Variants in PLCH1 observed in about 807,000 individuals in gnomAD.
PLCH1 encodes phospholipase C eta 1, also known as 1-phosphatidylinositol 4,5-bisphosphate phosphodiesterase eta-1.
In PLCH1, 60 loss-of-function variants were observed where a neutral mutation model predicts 126.7. That is an observed-to-expected ratio of 0.47 (90% confidence interval 0.38 to 0.59). The LOEUF (loss-of-function observed/expected upper bound fraction) is 0.59. Ranked by LOEUF, PLCH1 falls within the 20% of genes least tolerant of loss-of-function variation. The pLI is 0.00. For missense variants in PLCH1, 1,723 were observed against 2,040.0 expected (o/e 0.84, Z 2.99); for synonymous variants, 719 against 734.9 (o/e 0.98, Z 0.35).
At chr3:155,618,312 T>C (rs1340750490) in intron 2 of PLCH1, among the ~76,000 whole-genome samples, 3 of 152,188 alleles carry the variant, frequency 2.0e-5, no homozygotes, top group Non-Finnish European at 2.9e-5. Flanking sequence ...ATTTTCAAAA[T>C]ATCACCCATT....
chr3:155,475,683 A>C (rs1356180647), downstream of PLCH1, among the ~76,000 whole-genome samples: 2 of 152,172 alleles, frequency 1.3e-5, no homozygotes, highest in Non-Finnish European at 2.9e-5. Context: ...TACCATGAGC[A>C]ACTACATGCC....
chr3:155,514,894 A>G lies in PLCH1; in HGVS notation c.1471-10T>C. 4 of 1,572,332 alleles carry G rather than the reference A, an allele frequency of 2.5e-6. No individual in the cohort carries two copies. Among genetic ancestry groups the G allele is most frequent in the Non-Finnish European group, 3.5e-6 (4 of 1,154,744 alleles). ...CAGTGGTCCCATTACTCTGCAAAGA[A>G]TTAAGTAACACAAATGATTTCCTTA... On this transcript the variant is annotated splice_polypyrimidine_tract_variant and intron_variant, in intron 11 of 22. Transcript: ENST00000460012.
intron 2 of PLCH1, among the ~76,000 whole-genome samples, chr3:155,699,178 C>G (rs1211130376): frequency 6.6e-6 from 1 of 151,748 alleles, no homozygotes; most frequent in Non-Finnish European, 1.5e-5. Context: ...CAGGTTCAAA[C>G]GACTCTCTTG....
At chr3:155,519,925 G>GT (rs946787447) in intron 11 of PLCH1, among the ~76,000 whole-genome samples, 2 of 151,708 alleles carry the variant, frequency 1.3e-5, no homozygotes, top group African/African-American at 2.4e-5. Context: ...TTTCCAAGCT[G>GT]TAAGACCTGA....
chr3:155,580,717 T>C (rs1199897871), intron 6 of PLCH1, among the ~76,000 whole-genome samples: 3 of 152,174 alleles, frequency 2.0e-5, no homozygotes, highest in Non-Finnish European at 4.4e-5. Flanking sequence ...CAAAGGTACT[T>C]CTTCTAAAGA....
chr3:155,662,781 CA>C (rs1323412098), intron 2 of PLCH1, among the ~76,000 whole-genome samples: 13 of 152,162 alleles, frequency 8.5e-5, no homozygotes, highest in African/African-American at 3.1e-4. Flanking sequence ...TCTCATCCCT[CA>C]GCCTCCAAGT....
At position 155,734,060 on chromosome 3, in the gene PLCH1, T is replaced by C. The variant is rs142811751; in HGVS notation, c.-41+10780A>G. On this transcript the variant is annotated intron_variant, in intron 1 of 22. Transcript: ENST00000460012. The stretch of plus-strand genomic sequence containing the variant: ...ACTTCATATCAGTTAGAATGGCTAT[T>C]ATCAAAAAGACAAAAAGTAAGTGCT... Among the ~76,000 whole-genome samples, 601 of 149,740 alleles carry C rather than the reference T, an allele frequency of 4.0e-3. 1 individual carries two copies. The highest frequency in any genetic ancestry group is 6.4e-3 in the South Asian group (30 of 4,690).
chr3:155,618,939 C>G (rs1219630227), intron 2 of PLCH1, among the ~76,000 whole-genome samples: 2 of 152,138 alleles, frequency 1.3e-5, no homozygotes, highest in East Asian at 3.9e-4. Flanking sequence ...CATACCCTGC[C>G]CCTGATATCA....
chr3:155,738,794 A>AC (rs1224300155), intron 1 of PLCH1, among the ~76,000 whole-genome samples: 2 of 151,802 alleles, frequency 1.3e-5, no homozygotes, highest in African/African-American at 4.8e-5. Context: ...CTCCAAAAAA[A>AC]AAAAAAAATA....
At chr3:155,692,902 G>A (rs1423192983) in intron 2 of PLCH1, among the ~76,000 whole-genome samples, 1 of 151,916 alleles carries the variant, frequency 6.6e-6, no homozygotes, top group Non-Finnish European at 1.5e-5. Context: ...GGGATCTCCT[G>A]CCTCAGAGTA....
At chr3:155,637,548 T>C (rs992546462) in intron 2 of PLCH1, among the ~76,000 whole-genome samples, 3 of 152,240 alleles carry the variant, frequency 2.0e-5, no homozygotes, top group East Asian at 1.9e-4. Flanking sequence ...TGGGAAAATA[T>C]TACCTACATT....
At chr3:155,737,767 G>T (rs1049933464) in intron 1 of PLCH1, among the ~76,000 whole-genome samples, 7 of 152,138 alleles carry the variant, frequency 4.6e-5, no homozygotes, top group African/African-American at 1.4e-4. Context: ...TCTGGTCCAG[G>T]ATTCTGACCT....
At chr3:155,509,171 G>C (rs192142959) in intron 12 of PLCH1, among the ~76,000 whole-genome samples, 1 of 139,832 alleles carries the variant, frequency 7.2e-6, no homozygotes, top group Non-Finnish European at 1.5e-5. Context: ...TCTTATGGTA[G>C]TTTGCATTTC....
intron 2 of PLCH1, among the ~76,000 whole-genome samples, chr3:155,638,980 C>A (rs571210204): frequency 2.0e-5 from 3 of 152,126 alleles, no homozygotes; most frequent in South Asian, 2.1e-4. Flanking sequence ...CAGTTTCCCC[C>A]AAAAAGTAAA....
In PLCH1 at chr3:155,659,302, C is replaced by CTTTTTTTTTTTTTTTTTTTT. The variant is rs753258422; in HGVS notation, c.79+44824_79+44843dup. ...CCAGGCGTGAGATGTCTATTCACTT[C>CTTTTTTTTTTTTTTTTTTTT]TTTTTTTTTTTTTTTTTTTTTTTTT... On this transcript the variant is annotated intron_variant, in intron 2 of 22. Transcript: ENST00000460012. Among the ~76,000 whole-genome samples, 4 of 30,848 alleles carry CTTTTTTTTTTTTTTTTTTTT rather than the reference C, an allele frequency of 1.3e-4. 1 individual carries two copies. Among genetic ancestry groups the CTTTTTTTTTTTTTTTTTTTT allele is most frequent in the Non-Finnish European group, 2.9e-4 (4 of 13,866 alleles). 20.2% of individuals were successfully genotyped at this position (30,848 alleles called of 152,430 possible). A position where few individuals can be genotyped will look rare whatever the true frequency, so the allele number is the denominator to read the frequency against.
intron 1 of PLCH1, among the ~76,000 whole-genome samples, chr3:155,720,939 T>C (rs1250132039): frequency 6.6e-6 from 1 of 152,222 alleles, no homozygotes; most frequent in Non-Finnish European, 1.5e-5. Context: ...CTTCTACATG[T>C]GGTTTGACAT....
intron 2 of PLCH1, among the ~76,000 whole-genome samples, chr3:155,703,200 T>C (rs1211511152): frequency 6.6e-6 from 1 of 152,236 alleles, no homozygotes; most frequent in Non-Finnish European, 1.5e-5. Flanking sequence ...AAATTTGTTA[T>C]CTTAAACTTA....
At chr3:155,521,636 G>A (rs2108282201) in intron 11 of PLCH1, among the ~76,000 whole-genome samples, 1 of 152,010 alleles carries the variant, frequency 6.6e-6, no homozygotes, top group East Asian at 1.9e-4. Context: ...AGTTTCTCAG[G>A]GAATTTATTA....
intron 11 of PLCH1, among the ~76,000 whole-genome samples, chr3:155,516,166 A>C (rs556383655): frequency 1.4e-4 from 21 of 152,330 alleles, no homozygotes; most frequent in African/African-American, 3.8e-4. Context: ...GGCTCTTAAC[A>C]TCAGAAGGGA....
Sources: gnomAD v4.1 joint callset for allele counts (sites outside exome capture counted in the v4.1 genomes callset) on GRCh38, gnomAD v4.1.1 for gene constraint, MANE v1.5 for transcripts, NCBI Gene and HGNC (gene_info 2026-07-23, HGNC 2026-07-21) for gene names.